Variants in TAFA2 observed in about 807,000 individuals in gnomAD.
The protein encoded by TAFA2 is chemokine-like protein TAFA-2.
Under a neutral mutation model 18.8 loss-of-function variants are expected in TAFA2, and 7 were observed. The observed-to-expected ratio is 0.37, with a 90% CI of 0.21 to 0.70. The LOEUF is 0.70. Ranked by LOEUF, TAFA2 falls within the 30% of genes least tolerant of loss-of-function variation. The probability of loss-of-function intolerance (pLI) is 0.53; values close to 1 mark genes in which losing one functional copy is unlikely to be tolerated. For missense variants in TAFA2, 122 were observed against 158.1 expected (o/e 0.77, Z 1.23); for synonymous variants, 60 against 54.2 (o/e 1.11, Z -0.47).
intron 1 of TAFA2, among the ~76,000 whole-genome samples, chr12:62,053,434 TAG>T (rs1404505596): frequency 2.6e-5 from 4 of 152,130 alleles, no homozygotes; most frequent in Non-Finnish European, 5.9e-5. Flanking sequence ...AAAACTAACA[TAG>T]AGAGTATGTA....
chr12:62,250,209 T>A (rs1349461028), intron 1 of TAFA2, among the ~76,000 whole-genome samples: 1 of 152,218 alleles, frequency 6.6e-6, no homozygotes, highest in Non-Finnish European at 1.5e-5. Flanking sequence ...AATACAGAAT[T>A]TTAAGTTAAC....
intron 1 of TAFA2, among the ~76,000 whole-genome samples, chr12:62,132,344 C>A (rs1008415023): frequency 1.6e-4 from 25 of 151,768 alleles, no homozygotes; most frequent in Non-Finnish European, 2.9e-4. Flanking sequence ...GGGTATCTCC[C>A]CAGTATCTAT....
chr12:62,111,316 C>T (rs1033591392), intron 1 of TAFA2, among the ~76,000 whole-genome samples: 8 of 152,108 alleles, frequency 5.3e-5, no homozygotes, highest in African/African-American at 1.9e-4. Flanking sequence ...TTTCTTAATC[C>T]TAAATTCTAA....
intron 1 of TAFA2, among the ~76,000 whole-genome samples, chr12:61,948,845 T>C (rs1158299452): frequency 1.3e-5 from 2 of 152,144 alleles, no homozygotes; most frequent in African/African-American, 4.8e-5. Flanking sequence ...ATTACACCCA[T>C]AGTGTGAGCT....
intron 1 of TAFA2, among the ~76,000 whole-genome samples, chr12:61,906,907 C>G (rs1182180992): frequency 1.3e-5 from 2 of 151,846 alleles, no homozygotes; most frequent in Non-Finnish European, 2.9e-5. Flanking sequence ...TTGAGAGAGA[C>G]GATTTAGGGT....
At chr12:61,720,740 A>G (rs1869856470) in intron 4 of TAFA2, 1 of 370,546 alleles carries the variant, frequency 2.7e-6, no homozygotes, top group Non-Finnish European at 5.3e-6. Flanking sequence ...TTGAATCTTT[A>G]CTTCTCAATG....
chr12:61,949,934 C>G (rs1878408860), intron 1 of TAFA2, among the ~76,000 whole-genome samples: 1 of 152,118 alleles, frequency 6.6e-6, no homozygotes, highest in Admixed American at 6.6e-5. Context: ...TCCCCTCTTT[C>G]TCTAGTCCCT....
At chr12:62,085,880 T>C (rs1003072514) in intron 1 of TAFA2, among the ~76,000 whole-genome samples, 2 of 152,084 alleles carry the variant, frequency 1.3e-5, no homozygotes, top group South Asian at 2.1e-4. Context: ...TGGGGGCAGA[T>C]TTTTCCCATG....
At chr12:61,905,630 A>G (rs1426431736) in intron 1 of TAFA2, among the ~76,000 whole-genome samples, 1 of 152,188 alleles carries the variant, frequency 6.6e-6, no homozygotes, top group Admixed American at 6.5e-5. Context: ...ATTGTTACAT[A>G]TATCAAAGAC....
intron 2 of TAFA2, among the ~76,000 whole-genome samples, chr12:61,813,320 C>T (rs1319837073): frequency 6.6e-6 from 1 of 151,316 alleles, no homozygotes; most frequent in Non-Finnish European, 1.5e-5. Context: ...CATGTATCTG[C>T]TGCTTATAAA....
At chr12:62,147,976 T>C (rs1277101904) in intron 1 of TAFA2, among the ~76,000 whole-genome samples, 1 of 152,116 alleles carries the variant, frequency 6.6e-6, no homozygotes, top group African/African-American at 2.4e-5. Flanking sequence ...TCAACATCAC[T>C]GATCATCAGA....
At chr12:61,799,138 A>G (rs1027668618) in intron 2 of TAFA2, among the ~76,000 whole-genome samples, 5 of 152,242 alleles carry the variant, frequency 3.3e-5, no homozygotes, top group Admixed American at 2.6e-4. Flanking sequence ...TTTACTTTTA[A>G]ACTCATAGAA....
At chr12:62,210,375 C>A (rs762916524) in intron 1 of TAFA2, among the ~76,000 whole-genome samples, 1 of 152,094 alleles carries the variant, frequency 6.6e-6, no homozygotes, top group Non-Finnish European at 1.5e-5. Flanking sequence ...ATTCCTCCAT[C>A]CAAACTCTCT....
At chr12:61,840,992 G>A (rs1403876673) in intron 2 of TAFA2, among the ~76,000 whole-genome samples, 1 of 152,076 alleles carries the variant, frequency 6.6e-6, no homozygotes, top group African/African-American at 2.4e-5. Flanking sequence ...CTGGCACAAA[G>A]CCTATTCAAA....
chr12:61,943,261 T>A (rs1878113672), intron 1 of TAFA2, among the ~76,000 whole-genome samples: 1 of 143,646 alleles, frequency 7.0e-6, no homozygotes, highest in African/African-American at 2.6e-5. Flanking sequence ...GCTGAGAGAT[T>A]TTGTCACCAC....
At chr12:61,796,243 T>C (rs1871184338) in intron 2 of TAFA2, among the ~76,000 whole-genome samples, 1 of 152,132 alleles carries the variant, frequency 6.6e-6, no homozygotes. Context: ...TACATGCACA[T>C]ACACATTTTA....
intron 1 of TAFA2, among the ~76,000 whole-genome samples, chr12:61,980,263 C>T (rs1879584488): frequency 6.6e-6 from 1 of 152,050 alleles, no homozygotes; most frequent in Non-Finnish European, 1.5e-5. Context: ...GCGCTTCATG[C>T]TAAAAACTCT....
At chr12:61,825,879 TAA>T (rs1872520229) in intron 2 of TAFA2, among the ~76,000 whole-genome samples, 2 of 151,980 alleles carry the variant, frequency 1.3e-5, no homozygotes, top group South Asian at 4.1e-4. Flanking sequence ...ATTAATGGAA[TAA>T]AAAAGACCTC....
intron 1 of TAFA2, among the ~76,000 whole-genome samples, chr12:61,908,440 A>T (rs1235813592): frequency 6.6e-6 from 1 of 152,090 alleles, no homozygotes; most frequent in African/African-American, 2.4e-5. Flanking sequence ...CTTCACCTGC[A>T]GCCGTGATTA....
Sources: allele counts gnomAD v4.1 joint callset (sites outside exome capture counted in the v4.1 genomes callset), GRCh38; gene constraint gnomAD v4.1.1; transcripts MANE v1.5; gene names NCBI Gene and HGNC (gene_info 2026-07-23, HGNC 2026-07-21).